UBE2D2: variants seen among roughly 807,000 people sequenced by gnomAD.
The protein encoded by UBE2D2 is ubiquitin-conjugating enzyme E2 D2.
In UBE2D2, 2 loss-of-function variants were observed where a neutral mutation model predicts 24.2. The ratio of observed to expected loss-of-function variants is 0.08; its 90% CI spans 0.03 to 0.26. The LOEUF (loss-of-function observed/expected upper bound fraction) is 0.26, where lower values mean the gene tolerates loss of function less well. Ranked by LOEUF, UBE2D2 falls within the 10% of genes least tolerant of loss-of-function variation. UBE2D2 has a pLI of 1.00. For synonymous variants in UBE2D2, 58 were observed against 56.5 expected (o/e 1.03, Z -0.12); for missense variants, 44 against 177.6 (o/e 0.25, Z 4.28).
chr5:139,547,156 T>G (rs1254706282), intron 1 of UBE2D2, among the ~76,000 whole-genome samples: 1 of 151,646 alleles, frequency 6.6e-6, no homozygotes, highest in Non-Finnish European at 1.5e-5. Context: ...ACAGGCGTAG[T>G]GGCGGGCGCC....
Position 139,572,240 on chromosome 5 carries a change from A to C in UBE2D2, c.24+10425A>C, listed in dbSNP as rs192146978. 7.7e-4 allele frequency among the ~76,000 whole-genome samples: 118 copies of C among 152,308 alleles called. 1 individual carries two copies. The highest frequency in any genetic ancestry group is 1.9e-3 in the South Asian group (9 of 4,830). On this transcript the variant is annotated intron_variant, in intron 1 of 6. Transcript: ENST00000398733. ...GTTTCCCAACTTTATTAGAATGCTT[A>C]TCAAAGTAGTATTGTTGATGGAGTA...
intron 1 of UBE2D2, among the ~76,000 whole-genome samples, chr5:139,597,087 A>T (rs1368284347): frequency 1.3e-5 from 2 of 151,636 alleles, no homozygotes; most frequent in Non-Finnish European, 2.9e-5. Flanking sequence ...CAACTTTGAG[A>T]TAGGGTATTA....
At position 139,611,152 on chromosome 5, in the gene UBE2D2, G is replaced by T. The variant is rs1328046429; in HGVS notation, c.89-3434G>T. 2.2e-5 allele frequency among the ~76,000 whole-genome samples: 3 copies of T among 136,412 alleles called. No homozygotes were observed. The Admixed American group carries it at 2.2e-4, about 10-fold the overall frequency. 89.5% of individuals were successfully genotyped at this position (136,412 alleles called of 152,430 possible). ...CCTAGAATATAGAGGCAATAAAGTA[G>T]TTCTAGATGACAAGTTTTCCTTCTT... On this transcript the variant is annotated intron_variant, in intron 2 of 6. Transcript: ENST00000398733.
chr5:139,601,676 C>T (rs142373590), intron 2 of UBE2D2, among the ~76,000 whole-genome samples: 4,559 of 151,804 alleles, frequency 0.03, 85 homozygotes, highest in Middle Eastern at 0.058. Flanking sequence ...TTTGAAAGGC[C>T]GAGGCGGGCG....
At chr5:139,533,784 AT>A (rs1434912331) in intron 1 of UBE2D2, among the ~76,000 whole-genome samples, 1 of 140,614 alleles carries the variant, frequency 7.1e-6, no homozygotes, top group African/African-American at 2.8e-5. Context: ...ATTAAAAAAC[AT>A]CTTTTTTTTT....
At chr5:139,539,820 C>T (rs1368881946) in intron 1 of UBE2D2, among the ~76,000 whole-genome samples, 2 of 152,046 alleles carry the variant, frequency 1.3e-5, no homozygotes, top group East Asian at 3.9e-4. Flanking sequence ...TGGTCTCAAA[C>T]TCCTGACCTC....
chr5:139,526,861 T>C (rs1752547028), intron 1 of UBE2D2, among the ~76,000 whole-genome samples: 3 of 152,268 alleles, frequency 2.0e-5, no homozygotes, highest in Admixed American at 6.5e-5. Context: ...GTTTTGGTTT[T>C]CACTTGGCTT....
At chr5:139,624,489 G>T (rs1190877826) in intron 6 of UBE2D2, among the ~76,000 whole-genome samples, 2 of 152,158 alleles carry the variant, frequency 1.3e-5, no homozygotes, top group African/African-American at 2.4e-5. Flanking sequence ...ATAGGAGAGG[G>T]TGGATAGTTC....
intron 1 of UBE2D2, among the ~76,000 whole-genome samples, chr5:139,533,084 G>A (rs901756880): frequency 2.0e-5 from 3 of 151,266 alleles, no homozygotes; most frequent in Non-Finnish European, 4.4e-5. Flanking sequence ...CTCCAGCCTG[G>A]GTGACAGAGC....
chr5:139,593,320 A>G (rs904433359), intron 1 of UBE2D2, among the ~76,000 whole-genome samples: 6 of 152,050 alleles, frequency 3.9e-5, no homozygotes, highest in East Asian at 1.9e-4. Flanking sequence ...TAACTTGTAC[A>G]TTTCTAATAT....
Position 139,533,591 on chromosome 5 carries a change from G to C in UBE2D2, c.-64+6979G>C, listed in dbSNP as rs555258319. On this transcript the variant is annotated intron_variant, in intron 1 of 6. Coordinates refer to the UBE2D2 transcript ENST00000511725. ...CTTGAACCAGGGAGGAGGAGGTTGCGGTGAGCCCAAGATCGCGCCATTGCA... is the reference window on the plus strand; with the variant it reads ...CTTGAACCAGGGAGGAGGAGGTTGCCGTGAGCCCAAGATCGCGCCATTGCA... Among the ~76,000 whole-genome samples, 13 of 151,180 alleles carry C rather than the reference G, an allele frequency of 8.6e-5. 1 individual carries two copies. The East Asian group carries it at 2.6e-3, about 30-fold the overall frequency.
chr5:139,540,157 G>A (rs1328670384), intron 1 of UBE2D2, among the ~76,000 whole-genome samples: 1 of 152,054 alleles, frequency 6.6e-6, no homozygotes, highest in African/African-American at 2.4e-5. Flanking sequence ...AACCTCAGGT[G>A]ATCAGCCTGC....
At chr5:139,608,806 C>T (rs746245965) in intron 2 of UBE2D2, among the ~76,000 whole-genome samples, 3 of 152,102 alleles carry the variant, frequency 2.0e-5, no homozygotes, top group Non-Finnish European at 2.9e-5. Context: ...GATTTAAGGC[C>T]GGGCCTGGTG....
chr5:139,583,593 C>T (rs997691597), intron 1 of UBE2D2, among the ~76,000 whole-genome samples: 2 of 152,018 alleles, frequency 1.3e-5, no homozygotes, highest in African/African-American at 2.4e-5. Context: ...GAAACCCTGT[C>T]TCTATTAAAA....
chr5:139,559,870 C>T (rs1409605047), upstream of UBE2D2, among the ~76,000 whole-genome samples: 1 of 152,138 alleles, frequency 6.6e-6, no homozygotes, highest in East Asian at 1.9e-4. Flanking sequence ...AGGCCTCTAG[C>T]CCTGGCTTGG....
intron 1 of UBE2D2, among the ~76,000 whole-genome samples, chr5:139,555,227 G>A (rs1172525450): frequency 6.6e-6 from 1 of 151,908 alleles, no homozygotes; most frequent in Non-Finnish European, 1.5e-5. Flanking sequence ...TGTATTTTTT[G>A]TAGAGGCTGG....
intron 1 of UBE2D2, among the ~76,000 whole-genome samples, chr5:139,550,382 C>A (rs530304800): frequency 6.6e-6 from 1 of 152,174 alleles, no homozygotes; most frequent in African/African-American, 2.4e-5. Flanking sequence ...ATGCACCAAT[C>A]AGCACCCTGT....
intron 1 of UBE2D2, among the ~76,000 whole-genome samples, chr5:139,555,181 G>T (rs1400749576): frequency 6.6e-6 from 1 of 152,086 alleles, no homozygotes; most frequent in South Asian, 2.1e-4. Context: ...AAGTAGCTGG[G>T]ACTACAGGCA....
chr5:139,605,616 AAAAG>A (rs1286658187), intron 2 of UBE2D2, among the ~76,000 whole-genome samples: 5 of 144,004 alleles, frequency 3.5e-5, no homozygotes, highest in South Asian at 2.2e-4. Flanking sequence ...AAAAAAAAAG[AAAAG>A]AAAGAAACAA....
Sources: allele counts gnomAD v4.1 joint callset (sites outside exome capture counted in the v4.1 genomes callset), GRCh38; gene constraint gnomAD v4.1.1; transcripts MANE v1.5; gene names NCBI Gene and HGNC (gene_info 2026-07-23, HGNC 2026-07-21).